The following ZNF331 variants were observed in gnomAD, a reference collection of about 807,000 sequenced individuals.
The protein encoded by ZNF331 is C2H2-like zinc finger protein rearranged in thyroid adenomas.
In ZNF331, 2 loss-of-function variants were observed where a neutral mutation model predicts 7.0. The observed-to-expected ratio is 0.29, with a 90% CI of 0.12 to 0.90. The LOEUF is 0.90. Ranked by LOEUF, ZNF331 falls within the 40% of genes least tolerant of loss-of-function variation. The probability of loss-of-function intolerance (pLI) is 0.58; values close to 1 mark genes in which losing one functional copy is unlikely to be tolerated. For missense variants in ZNF331, 432 were observed against 587.7 expected (o/e 0.74, Z 2.74); for synonymous variants, 196 against 205.4 (o/e 0.95, Z 0.39).
chr19:53,557,754 A>G (rs907742240), intron 3 of ZNF331, among the ~76,000 whole-genome samples: 1 of 152,142 alleles, frequency 6.6e-6, no homozygotes, highest in Non-Finnish European at 1.5e-5. Context: ...CTTTGAGGCC[A>G]GGAGTTTGAA....
the ZNF331 span, among the ~76,000 whole-genome samples, chr19:53,507,631 G>A: frequency 3.9e-5 from 6 of 152,146 alleles, no homozygotes; most frequent in Non-Finnish European, 5.9e-5. Flanking sequence ...TCCTCACGGT[G>A]GCCACAGCAG....
the ZNF331 span, among the ~76,000 whole-genome samples, chr19:53,510,966 A>C: frequency 1.3e-5 from 2 of 152,142 alleles, no homozygotes; most frequent in Non-Finnish European, 2.9e-5. Flanking sequence ...TATCTCATAT[A>C]TATGTAAATA....
At chr19:53,506,486 G>C in the ZNF331 span, among the ~76,000 whole-genome samples, 450 of 68,094 alleles carry the variant, frequency 6.6e-3, 2 homozygotes, top group African/African-American at 0.011. Flanking sequence ...CTCTCTGTCT[G>C]TCTCTCTCTC....
At chr19:53,559,957 CAT>C (rs1388289701) in intron 3 of ZNF331, among the ~76,000 whole-genome samples, 3 of 148,876 alleles carry the variant, frequency 2.0e-5, no homozygotes, top group Admixed American at 6.7e-5. Context: ...CACACACACA[CAT>C]ATACACCCCG....
chr19:53,516,355 C>A (rs979459597), upstream of ZNF331, among the ~76,000 whole-genome samples: 6 of 150,534 alleles, frequency 4.0e-5, no homozygotes, highest in African/African-American at 1.2e-4. Context: ...GAGGCTGAGG[C>A]AGGAGAATCA....
In ZNF331 at chr19:53,578,607, T is replaced by C. The variant is rs1600529776; in HGVS notation, c.*655T>C. 9.7e-6 allele frequency: 2 copies of C among 206,544 alleles called. No individual in the cohort carries two copies. Among genetic ancestry groups the C allele is most frequent in the African/African-American group, 2.3e-5 (1 of 43,900 alleles). The allele number at this position is 206,544 out of a possible 1,614,324, so 12.8% of individuals were successfully genotyped here. A position where few individuals can be genotyped will look rare whatever the true frequency, so the allele number is the denominator to read the frequency against. On this transcript the variant is annotated 3_prime_UTR_variant, in exon 6 of 6. Coordinates refer to ENST00000449416, the MANE Select transcript of ZNF331 (RefSeq NM_001079906.2). Reference sequence around the variant, plus strand: ...AATGTAGTATATAGTATCGTATATATGTACAGGAAAAAAACGTACTATCTG... The same window carrying C: ...AATGTAGTATATAGTATCGTATATACGTACAGGAAAAAAACGTACTATCTG...
chr19:53,542,278 T>C (rs1222514372), intron 2 of ZNF331, among the ~76,000 whole-genome samples: 1 of 152,202 alleles, frequency 6.6e-6, no homozygotes, highest in South Asian at 2.1e-4. Flanking sequence ...GGATTAGAAA[T>C]CCATCATCTG....
chr19:53,530,160 G>A (rs528984942), intron 2 of ZNF331, among the ~76,000 whole-genome samples: 11 of 152,260 alleles, frequency 7.2e-5, no homozygotes, highest in African/African-American at 2.4e-4. Flanking sequence ...GGGACACAGC[G>A]CTGGCGGGAG....
rs2090437018 is a variant in ZNF331, at chr19:53,571,360, G to T, written c.10-244G>T. 1.3e-5 allele frequency among the ~76,000 whole-genome samples: 2 copies of T among 152,184 alleles called. No homozygotes were observed. Among genetic ancestry groups the T allele is most frequent in the Non-Finnish European group, 2.9e-5 (2 of 68,036 alleles). On this transcript the variant is annotated intron_variant, in intron 4 of 5. Coordinates refer to ENST00000449416, the MANE Select transcript of ZNF331 (RefSeq NM_001079906.2). The surrounding 1 kb of genome is among the most constrained non-coding windows in gnomAD (Gnocchi z 4.7). ...GGATTGTTTTATCCACTTCCTGGCA[G>T]GTTTGACTAACTGAGGATTCTGCAC...
At chr19:53,505,341 G>A in the ZNF331 span, among the ~76,000 whole-genome samples, 1 of 152,110 alleles carries the variant, frequency 6.6e-6, no homozygotes, top group Non-Finnish European at 1.5e-5. Context: ...AGGTTGGAGT[G>A]CAATGGTGCC....
intron 2 of ZNF331, among the ~76,000 whole-genome samples, chr19:53,529,243 T>C (rs891859192): frequency 1.3e-5 from 2 of 151,668 alleles, no homozygotes; most frequent in African/African-American, 4.8e-5. Flanking sequence ...CTACTAAAAA[T>C]ACAAAAATTA....
At chr19:53,552,186 C>G (rs189134204) in intron 2 of ZNF331, among the ~76,000 whole-genome samples, 47 of 152,214 alleles carry the variant, frequency 3.1e-4, no homozygotes, top group African/African-American at 1.1e-3. Context: ...GCTAATGTTC[C>G]CAGTTTGGCA....
chr19:53,577,908 C>T lies in ZNF331; in HGVS notation c.1348C>T (p.His450Tyr), dbSNP rs2090793875. The change falls in exon 6 of 6, where the codon CAC becomes TAC. Residue 450 changes from histidine to tyrosine, a missense_variant. By Grantham distance (83) the His-to-Tyr change is moderately conservative. Around this residue, in one of 3 missense-constraint regions of ZNF331, gnomAD observed 312 missense variants for 448.6 expected, o/e 0.70. Transcript: ENST00000449416. ...ECKECGKACN[H>Y]LNHLREHQRI... is the part of the protein sequence containing the mutation. ...TAAGGAGTGCGGGAAGGCATGTAAC[C>T]ACCTAAACCATCTCCGAGAACATCA... 11 of 1,613,638 alleles carry T rather than the reference C, an allele frequency of 6.8e-6. No homozygotes were observed. Among genetic ancestry groups the T allele is most frequent in the African/African-American group, 1.3e-5 (1 of 75,050 alleles).
At chr19:53,544,547 A>G (rs1378157102) in intron 2 of ZNF331, among the ~76,000 whole-genome samples, 1 of 148,902 alleles carries the variant, frequency 6.7e-6, no homozygotes, top group African/African-American at 2.5e-5. Flanking sequence ...TCCGTCTCAA[A>G]AAAAAAAAAA....
chr19:53,534,235 C>T (rs1343355343), upstream of ZNF331, among the ~76,000 whole-genome samples: 1 of 152,022 alleles, frequency 6.6e-6, no homozygotes, highest in African/African-American at 2.4e-5. Context: ...GAGGCATTCT[C>T]TTTCATGGCC....
chr19:53,515,480 G>C (rs1386530470), upstream of ZNF331, among the ~76,000 whole-genome samples: 1 of 152,142 alleles, frequency 6.6e-6, no homozygotes, highest in African/African-American at 2.4e-5. Context: ...GTTCATTGTG[G>C]AGCACTGACT....
At chr19:53,529,764 A>G (rs1381534824) in intron 2 of ZNF331, among the ~76,000 whole-genome samples, 1 of 152,218 alleles carries the variant, frequency 6.6e-6, no homozygotes, top group African/African-American at 2.4e-5. Flanking sequence ...GAATGAGAGA[A>G]TAACTAAAAG....
At position 53,558,948 on chromosome 19, in the gene ZNF331, T is replaced by TAC. The variant is rs2089615362; in HGVS notation, c.-74+3044_-74+3045dup. ...CACACATACACACCATACACACATA[T>TAC]ACACATACCATATACACACCATACA... On this transcript the variant is annotated intron_variant, in intron 3 of 5. Coordinates refer to ENST00000449416, the MANE Select transcript of ZNF331 (RefSeq NM_001079906.2). The surrounding 1 kb of genome is among the most constrained non-coding windows in gnomAD (Gnocchi z 4.5). 7.1e-6 allele frequency among the ~76,000 whole-genome samples: 1 copy of TAC among 140,688 alleles called. No homozygotes were observed. The highest frequency in any genetic ancestry group is 2.7e-5 in the African/African-American group (1 of 36,970). 92.3% of individuals were successfully genotyped at this position (140,688 alleles called of 152,430 possible).
chr19:53,545,969 A>C (rs2088567797), intron 2 of ZNF331, among the ~76,000 whole-genome samples: 2 of 151,942 alleles, frequency 1.3e-5, no homozygotes, highest in Admixed American at 6.6e-5. Context: ...AAGAACTCTG[A>C]AACTCACAAA....
Sources: allele counts gnomAD v4.1 joint callset (sites outside exome capture counted in the v4.1 genomes callset), GRCh38; gene constraint gnomAD v4.1.1; regional missense constraint gnomAD v4.1.1; non-coding constraint Gnocchi (gnomAD v3.1); transcripts MANE v1.5; gene names NCBI Gene and HGNC (gene_info 2026-07-23, HGNC 2026-07-21).